Variants in XPR1 observed in about 807,000 individuals in gnomAD.
XPR1 encodes the protein xenotropic and polytropic retrovirus receptor 1, also known as solute carrier family 53 member 1.
In XPR1, 28 loss-of-function variants were observed where a neutral mutation model predicts 87.5. The ratio of observed to expected loss-of-function variants is 0.32; its 90% CI spans 0.24 to 0.44. The LOEUF is 0.44. XPR1 is among the 20% of genes least tolerant of loss of function. The pLI, the probability that XPR1 is intolerant of heterozygous loss-of-function variation, is 1.00. For synonymous variants in XPR1, 300 were observed against 306.1 expected, an observed-to-expected ratio of 0.98 and a Z score of 0.21; for missense variants, 559 against 862.3, an observed-to-expected ratio of 0.65 and a Z score of 4.41.
intron 2 of XPR1, among the ~76,000 whole-genome samples, chr1:180,697,723 ATGT>A (rs749777808): frequency 3.3e-5 from 5 of 152,066 alleles, no homozygotes; most frequent in African/African-American, 4.8e-5. Context: ...ATTGAGGAGC[ATGT>A]TGTTAATTTT....
At chr1:180,674,229 G>C (rs995659488) in intron 1 of XPR1, among the ~76,000 whole-genome samples, 1 of 152,136 alleles carries the variant, frequency 6.6e-6, no homozygotes, top group Admixed American at 6.6e-5. Context: ...TTTTCCCAAG[G>C]TTATACAACT....
chr1:180,813,048 C>A (rs111449961), intron 7 of XPR1, among the ~76,000 whole-genome samples: 8 of 147,198 alleles, frequency 5.4e-5, no homozygotes, highest in African/African-American at 1.7e-4. Flanking sequence ...TTTCCCCCCC[C>A]CCAATGGAAG....
At chr1:180,792,563 T>A (rs1392497620) in intron 3 of XPR1, among the ~76,000 whole-genome samples, 1 of 152,198 alleles carries the variant, frequency 6.6e-6, no homozygotes, top group Non-Finnish European at 1.5e-5. Context: ...GTCTTTATTG[T>A]TTATTATGTA....
At chr1:180,632,384 C>G in intron 1 of XPR1, 114 bp downstream of exon 1, 1 of 1,380,020 alleles carries the variant, frequency 7.2e-7, no homozygotes, top group Non-Finnish European at 1.0e-6. Flanking sequence ...CAGACTTTGA[C>G]CCGCTGCCGC....
chr1:180,725,323 A>C (rs1368030654), intron 2 of XPR1, among the ~76,000 whole-genome samples: 1 of 152,214 alleles, frequency 6.6e-6, no homozygotes, highest in Non-Finnish European at 1.5e-5. Context: ...AGATCTGACT[A>C]ATCTTCCTGA....
chr1:180,718,421 G>A (rs1340696813), intron 2 of XPR1, among the ~76,000 whole-genome samples: 3 of 152,080 alleles, frequency 2.0e-5, no homozygotes, highest in Admixed American at 1.3e-4. Context: ...GAACTTTCAC[G>A]TAGTTAAATT....
At position 180,644,613 on chromosome 1, in the gene XPR1, T is replaced by G. The variant is rs758210302; in HGVS notation, c.69+12343T>G. On this transcript the variant is annotated intron_variant, in intron 1 of 14. Transcript: ENST00000367590. ...TTCTACCTGTAAAACAGTGGAAATATCTTTCTCAGTAATTACGATGTTGAG... is the reference window on the plus strand; with the variant it reads ...TTCTACCTGTAAAACAGTGGAAATAGCTTTCTCAGTAATTACGATGTTGAG... Among the ~76,000 whole-genome samples the G allele has an allele frequency of 4.6e-5, 7 of 152,190 alleles. No homozygotes were observed. The South Asian group carries it at 6.2e-4, about 14-fold the overall frequency.
At chr1:180,678,823 A>G (rs1202205566) in intron 1 of XPR1, among the ~76,000 whole-genome samples, 1 of 152,198 alleles carries the variant, frequency 6.6e-6, no homozygotes, top group Non-Finnish European at 1.5e-5. Context: ...GGACTTGAGT[A>G]TCTGTACTCT....
At chr1:180,863,484 TGTAA>T (rs1472241471) in intron 11 of XPR1, among the ~76,000 whole-genome samples, 4 of 152,196 alleles carry the variant, frequency 2.6e-5, no homozygotes, top group East Asian at 1.9e-4. Flanking sequence ...TATACATTTG[TGTAA>T]GTGTTATGTA....
intron 3 of XPR1, among the ~76,000 whole-genome samples, chr1:180,801,785 A>ATTT (rs542465078): frequency 0.015 from 2,141 of 145,206 alleles, 52 homozygotes; most frequent in African/African-American, 0.049. Flanking sequence ...GTCCCTTGGC[A>ATTT]TTTTTTTTTT....
At chr1:180,656,650 A>ATG (rs202134910) in intron 1 of XPR1, among the ~76,000 whole-genome samples, 3 of 122,274 alleles carry the variant, frequency 2.5e-5, no homozygotes, top group African/African-American at 9.3e-5. Context: ...ATATTATTAT[A>ATG]TATAATATAT....
chr1:180,760,107 C>A (rs890539855), intron 2 of XPR1, among the ~76,000 whole-genome samples: 14 of 152,132 alleles, frequency 9.2e-5, no homozygotes, highest in Non-Finnish European at 1.6e-4. Context: ...ATTGATGGGA[C>A]GTATCTCAAA....
At chr1:180,647,578 C>T (rs919097841) in intron 1 of XPR1, among the ~76,000 whole-genome samples, 1 of 152,150 alleles carries the variant, frequency 6.6e-6, no homozygotes, top group African/African-American at 2.4e-5. Context: ...GCCTTGGCAA[C>T]TGTCTGAGTA....
At chr1:180,723,635 A>G (rs1365800943) in intron 2 of XPR1, among the ~76,000 whole-genome samples, 1 of 152,150 alleles carries the variant, frequency 6.6e-6, no homozygotes, top group Non-Finnish European at 1.5e-5. Flanking sequence ...TTGATAATAA[A>G]ATAGTCTCTT....
chr1:180,746,473 A>G (rs1026112633), intron 2 of XPR1, among the ~76,000 whole-genome samples: 30 of 152,182 alleles, frequency 2.0e-4, no homozygotes, highest in Admixed American at 2.0e-3. Context: ...ATGGCTGAGT[A>G]GTATTCCATG....
chr1:180,710,917 G>A (rs892961119), intron 2 of XPR1, among the ~76,000 whole-genome samples: 47 of 145,526 alleles, frequency 3.2e-4, no homozygotes, highest in Middle Eastern at 3.7e-3. Flanking sequence ...GGGCGGAGAC[G>A]CTCCTCACTT....
chr1:180,655,400 C>CTTTTTTTT (rs994780324), intron 1 of XPR1, among the ~76,000 whole-genome samples: 1 of 131,472 alleles, frequency 7.6e-6, no homozygotes. Flanking sequence ...CTCTCTCTCT[C>CTTTTTTTT]TTTTTTTTTT....
intron 11 of XPR1, among the ~76,000 whole-genome samples, chr1:180,855,958 C>T (rs1297180565): frequency 2.4e-4 from 37 of 152,130 alleles, no homozygotes; most frequent in Admixed American, 2.4e-3. Flanking sequence ...TGGCAGTTGT[C>T]CCTTGTTTTT....
intron 2 of XPR1, among the ~76,000 whole-genome samples, chr1:180,750,621 G>C (rs1647495183): frequency 6.6e-6 from 1 of 151,928 alleles, no homozygotes; most frequent in Non-Finnish European, 1.5e-5. Context: ...TCTTTATGCA[G>C]GTGCAACATT....
Sources: gnomAD v4.1 joint callset for allele counts (sites outside exome capture counted in the v4.1 genomes callset) on GRCh38, gnomAD v4.1.1 for gene constraint, MANE v1.5 for transcripts, NCBI Gene and HGNC (gene_info 2026-07-23, HGNC 2026-07-21) for gene names.